Variants in SRSF4 observed in about 807,000 individuals in gnomAD.
SRSF4 encodes the protein serine and arginine rich splicing factor 4, also known as serine/arginine-rich splicing factor 4.
Under a neutral mutation model 48.8 loss-of-function variants are expected in SRSF4, and 12 were observed. The observed-to-expected ratio is 0.25, with a 90% confidence interval of 0.16 to 0.40. The LOEUF is 0.40. Ranked by LOEUF, SRSF4 falls within the 10% of genes least tolerant of loss-of-function variation. The pLI, the probability that SRSF4 is intolerant of heterozygous loss-of-function variation, is 1.00. For missense variants in SRSF4, 466 were observed against 667.1 expected, an observed-to-expected ratio of 0.70 and a Z score of 3.32; for synonymous variants, 248 against 232.5, an observed-to-expected ratio of 1.07 and a Z score of -0.61.
At chr1:29,149,870 A>C (rs1051483096) in intron 5 of SRSF4, among the ~76,000 whole-genome samples, 2 of 151,878 alleles carry the variant, frequency 1.3e-5, no homozygotes, top group Non-Finnish European at 1.5e-5. Flanking sequence ...CTCTAAAAAA[A>C]ATTAAAAAAT....
Position 29,147,811 on chromosome 1 carries a change from G to T in SRSF4, c.*599C>A. Reference sequence around the variant, plus strand: ...AGGGGTCACTATACTTTGCAAGACGGGGAAAAATAAAATTAAAAAAAATTC... The same window carrying T: ...AGGGGTCACTATACTTTGCAAGACGTGGAAAAATAAAATTAAAAAAAATTC... On this transcript the variant is annotated 3_prime_UTR_variant, in exon 6 of 6. Coordinates refer to ENST00000373795, the MANE Select transcript of SRSF4 (RefSeq NM_005626.5). 1 of 182,698 alleles carries T rather than the reference G, an allele frequency of 5.5e-6. No individual in the cohort carries two copies. The highest frequency in any genetic ancestry group is 1.2e-5 in the Non-Finnish European group (1 of 84,900). The allele number at this position is 182,698 out of a possible 1,614,324, so 11.3% of individuals were successfully genotyped here. A position where few individuals can be genotyped will look rare whatever the true frequency, so the allele number is the denominator to read the frequency against.
rs770559549 is a variant in SRSF4 at position 29,181,619 on chromosome 1, G to C, written c.107+27C>G. The C allele has an allele frequency of 3.8e-6, 6 of 1,561,240 alleles. No individual in the cohort carries two copies. In the Admixed American group the frequency reaches 5.5e-5, roughly 14 times the overall value. ...CCACCTATGGGGTCTGTCCCCGCCC[G>C]GCCGGACCCTCTTTCGCCCTCCTCA... is the stretch of plus-strand genomic sequence containing the variant. On this transcript the variant is annotated intron_variant, in intron 1 of 5. Transcript: ENST00000373795.
In SRSF4 at chr1:29,164,757, G is replaced by A. The variant is rs535030803; in HGVS notation, c.108-4240C>T. Among the ~76,000 whole-genome samples the A allele has an allele frequency of 3.3e-4, 49 of 148,708 alleles. No individual in the cohort carries two copies. The South Asian group carries it at 0.01, about 31-fold the overall frequency. ...GATTGACAGAAACACAAAGAGCCCT[G>A]CGATACACTTTCAATCTTCCTCCCC... On this transcript the variant is annotated intron_variant, in intron 1 of 5. Transcript: ENST00000373795.
intron 3 of SRSF4, among the ~76,000 whole-genome samples, chr1:29,156,246 T>A (rs975541979): frequency 9.9e-5 from 15 of 150,914 alleles, no homozygotes; most frequent in African/African-American, 3.7e-4. Context: ...CCCAGCTACC[T>A]GGGAGGCTGA....
At position 29,160,606 on chromosome 1, in the gene SRSF4, A is replaced by G; in HGVS notation, c.108-89T>C. The G allele has an allele frequency of 6.3e-6, 9 of 1,422,690 alleles. 1 individual carries two copies. In the Middle Eastern group the frequency reaches 1.2e-3, roughly 184 times the overall value. 88.1% of individuals were successfully genotyped at this position (1,422,690 alleles called of 1,614,324 possible). On this transcript the variant is annotated intron_variant, in intron 1 of 5. Transcript: ENST00000373795. ...AGAGAAAGCAATGAGGTTCATGCTT[A>G]GCAAAGGTTAGGTGGATTTTGCAAA... is the stretch of plus-strand genomic sequence containing the variant.
At chr1:29,175,841 A>G (rs1261382678) in intron 1 of SRSF4, among the ~76,000 whole-genome samples, 5 of 151,998 alleles carry the variant, frequency 3.3e-5, no homozygotes, top group Non-Finnish European at 5.9e-5. Flanking sequence ...ACCTCTTCTT[A>G]GATAATCCTA....
chr1:29,154,424 T>A (rs1475919622), intron 4 of SRSF4: 3 of 406,392 alleles, frequency 7.4e-6, no homozygotes, highest in Non-Finnish European at 1.3e-5. Context: ...CTTGAACTCC[T>A]GACCTTGTGA....
chr1:29,150,009 CAG>C (rs1672381561), intron 5 of SRSF4, 92 bp downstream of exon 5: 18 of 1,043,850 alleles, frequency 1.7e-5, no homozygotes, highest in Middle Eastern at 2.1e-4. Flanking sequence ...GCTTGGGTGA[CAG>C]AGTGTCTCTT....
In SRSF4 at chr1:29,148,999, T is replaced by C. The variant is rs1248825656; in HGVS notation, c.896A>G (p.Lys299Arg). ...RSPSRHKSKS[K>R]SRSRSQERRV... The stretch of plus-strand genomic sequence containing the variant: ...CCTCTCCTGACTCCTGCTCCGACTT[T>C]TGCTCTTACTTTTATGCCTGCTAGG... Residue 299 changes from lysine (K) to arginine (R), a missense_variant, in exon 6 of 6, where the codon AAA becomes AGA. Lys to Arg is a conservative substitution (Grantham distance 26). Coordinates refer to ENST00000373795, the MANE Select transcript of SRSF4 (RefSeq NM_005626.5). 11 of 1,613,724 alleles carry C rather than the reference T, an allele frequency of 6.8e-6. No homozygotes were observed. The highest frequency in any genetic ancestry group is 9.3e-6 in the Non-Finnish European group (11 of 1,179,972).
intron 3 of SRSF4, among the ~76,000 whole-genome samples, chr1:29,156,468 T>TTA (rs974465769): frequency 3.3e-5 from 5 of 152,206 alleles, no homozygotes; most frequent in African/African-American, 1.2e-4. Context: ...TCTAGGCTTT[T>TTA]TATATATAAA....
At chr1:29,155,230 A>G (rs1672478576) in intron 3 of SRSF4, among the ~76,000 whole-genome samples, 1 of 152,094 alleles carries the variant, frequency 6.6e-6, no homozygotes, top group South Asian at 2.1e-4. Flanking sequence ...CAGGAATTCA[A>G]GACCAGCCTT....
intron 4 of SRSF4, among the ~76,000 whole-genome samples, chr1:29,150,434 T>C (rs543399412): frequency 6.6e-6 from 1 of 152,264 alleles, no homozygotes; most frequent in East Asian, 1.9e-4. Context: ...CTGGCTAATT[T>C]TGTATTTTTA....
intron 1 of SRSF4, among the ~76,000 whole-genome samples, chr1:29,168,251 G>A (rs1283262420): frequency 5.6e-5 from 8 of 144,008 alleles, no homozygotes; most frequent in African/African-American, 2.1e-4. Context: ...GGGTGGTCTC[G>A]AACTCCTGAG....
At chr1:29,163,680 T>A (rs1376291292) in intron 1 of SRSF4, among the ~76,000 whole-genome samples, 3 of 152,254 alleles carry the variant, frequency 2.0e-5, no homozygotes, top group Non-Finnish European at 4.4e-5. Flanking sequence ...TAGTTTATAT[T>A]CATAGCACCC....
intron 1 of SRSF4, 134 bp downstream of exon 1, chr1:29,181,512 C>A (rs545037546): frequency 2.7e-6 from 2 of 729,316 alleles, no homozygotes; most frequent in Admixed American, 8.1e-5. Context: ...CCCGAGGCGC[C>A]GCCACTATGG....
At chr1:29,167,698 T>C (rs1672686875) in intron 1 of SRSF4, among the ~76,000 whole-genome samples, 1 of 152,208 alleles carries the variant, frequency 6.6e-6, no homozygotes, top group African/African-American at 2.4e-5. Flanking sequence ...TCTGTAGCTT[T>C]TTAAGTCTTG....
At chr1:29,152,850 T>G (rs1574189892) in intron 4 of SRSF4, among the ~76,000 whole-genome samples, 2 of 147,118 alleles carry the variant, frequency 1.4e-5, no homozygotes, top group African/African-American at 5.0e-5. Context: ...ACCCGGGAGG[T>G]GGAAGTTGCA....
rs564207518 is a variant in SRSF4, at chr1:29,148,990, C to T, written c.905G>A (p.Ser302Asn). 1 of 1,613,540 alleles carries T rather than the reference C, an allele frequency of 6.2e-7. No individual in the cohort carries two copies. The highest frequency in any genetic ancestry group is 1.1e-5 in the South Asian group (1 of 91,058). The change falls in exon 6 of 6, where the codon AGC (serine) becomes AAC (asparagine). Residue 302 changes from serine to asparagine, a missense_variant. By Grantham distance (46) the Ser-to-Asn change is conservative. This residue lies in a region of SRSF4 where 402 missense variants were observed against 437.0 expected (regional missense o/e 0.92). Coordinates refer to ENST00000373795, the MANE Select transcript of SRSF4 (RefSeq NM_005626.5). ...CTCCACTCTCCTCTCCTGACTCCTG[C>T]TCCGACTTTTGCTCTTACTTTTATG... ...SRHKSKSKSR[S>N]RSQERRVEEE...
intron 1 of SRSF4, among the ~76,000 whole-genome samples, chr1:29,164,539 T>C (rs1455816522): frequency 6.6e-6 from 1 of 152,232 alleles, no homozygotes; most frequent in African/African-American, 2.4e-5. Context: ...TACATATATG[T>C]ATATACATCT....
Sources: allele counts gnomAD v4.1 joint callset (sites outside exome capture counted in the v4.1 genomes callset), GRCh38; gene constraint gnomAD v4.1.1; regional missense constraint gnomAD v4.1.1; transcripts MANE v1.5; gene names NCBI Gene and HGNC (gene_info 2026-07-23, HGNC 2026-07-21).